NBEA: variants seen among roughly 807,000 people sequenced by gnomAD.
NBEA encodes lysosomal-trafficking regulator 2.
Under a neutral mutation model 343.4 loss-of-function variants are expected in NBEA, and 44 were observed. The observed-to-expected ratio is 0.13, with a 90% CI of 0.10 to 0.16. The LOEUF (loss-of-function observed/expected upper bound fraction) is 0.16. Ranked by LOEUF, NBEA falls within the 10% of genes least tolerant of loss-of-function variation. The pLI is 1.00. For missense variants in NBEA, 2,555 were observed against 3,631.3 expected (o/e 0.70, Z 7.62); for synonymous variants, 1,175 against 1,238.7 (o/e 0.95, Z 1.08).
intron 36 of NBEA, among the ~76,000 whole-genome samples, chr13:35,344,084 A>G (rs2039741626): frequency 1.3e-5 from 2 of 152,208 alleles, no homozygotes; most frequent in African/African-American, 2.4e-5. Flanking sequence ...CAATACCATG[A>G]TATCTGACCA....
intron 10 of NBEA, among the ~76,000 whole-genome samples, chr13:35,092,013 G>T (rs1450822725): frequency 6.6e-6 from 1 of 151,962 alleles, no homozygotes; most frequent in African/African-American, 2.4e-5. Context: ...ATACTTAACT[G>T]ACTTTAAGAC....
intron 56 of NBEA, 148 bp from the exon 57 acceptor site, chr13:35,667,226 A>T: frequency 1.6e-6 from 1 of 631,184 alleles, no homozygotes; most frequent in South Asian, 2.0e-5. Context: ...TAAATGTAGC[A>T]TCAGCGCTTG....
chr13:35,438,438 A>G (rs1389745321), intron 39 of NBEA, among the ~76,000 whole-genome samples: 1 of 152,246 alleles, frequency 6.6e-6, no homozygotes, highest in Non-Finnish European at 1.5e-5. Context: ...GTTGAGAAAG[A>G]AGCTATCAAG....
At chr13:35,137,050 AAG>A (rs1193913605) in intron 17 of NBEA, among the ~76,000 whole-genome samples, 1 of 152,242 alleles carries the variant, frequency 6.6e-6, no homozygotes, top group Non-Finnish European at 1.5e-5. Flanking sequence ...TTTAATATAA[AAG>A]AGTAAATTGA....
At chr13:35,397,542 T>G (rs1356755634) in intron 38 of NBEA, among the ~76,000 whole-genome samples, 3 of 152,200 alleles carry the variant, frequency 2.0e-5, no homozygotes, top group Admixed American at 6.6e-5. Flanking sequence ...TGATCAGTGC[T>G]GTATCCTCAG....
In NBEA at chr13:35,523,575, G is replaced by A. The variant is rs555656095; in HGVS notation, c.6586-26902G>A. ...TATGAGAGTGGCAGAAATCACTCAG[G>A]AGGAGGAAGCTGCCCAATGAGTTAC... On this transcript the variant is annotated intron_variant, in intron 41 of 58. Transcript: ENST00000379939. Among the ~76,000 whole-genome samples, 3 of 152,266 alleles carry A rather than the reference G, an allele frequency of 2.0e-5. No homozygotes were observed. The South Asian group carries it at 6.2e-4, about 32-fold the overall frequency.
intron 18 of NBEA, among the ~76,000 whole-genome samples, chr13:35,143,223 G>A (rs577231109): frequency 6.5e-4 from 99 of 152,296 alleles, no homozygotes; most frequent in Non-Finnish European, 1.2e-3. Context: ...TAGCTGTTGC[G>A]TGTAGCTGCT....
chr13:35,407,709 A>G (rs1345142187), intron 38 of NBEA, among the ~76,000 whole-genome samples: 2 of 152,130 alleles, frequency 1.3e-5, no homozygotes, highest in Non-Finnish European at 2.9e-5. Flanking sequence ...ATTGCTATAC[A>G]TCATCAACAG....
At chr13:35,135,590 TA>T (rs1369787880) in intron 17 of NBEA, among the ~76,000 whole-genome samples, 1 of 151,892 alleles carries the variant, frequency 6.6e-6, no homozygotes, top group African/African-American at 2.4e-5. Flanking sequence ...ATTTAAAGGT[TA>T]AAAAAACTCT....
At chr13:35,529,177 GGTTAA>G (rs1566272294) in intron 41 of NBEA, among the ~76,000 whole-genome samples, 1 of 152,126 alleles carries the variant, frequency 6.6e-6, no homozygotes, top group East Asian at 1.9e-4. Context: ...GGCTCAGACA[GGTTAA>G]ATAAGTTGAC....
chr13:35,050,329 C>A lies in NBEA; in HGVS notation c.906C>A (p.Val302=), dbSNP rs1302734939. ...SAHFVGNCLI[V]TSLKSKGKGF... Reference sequence around the variant, plus strand: ...ATTTTGTTGGCAACTGTTTAATAGTCACATCATTGAAGTCCAAAGGAAAAG... The same window carrying A: ...ATTTTGTTGGCAACTGTTTAATAGTAACATCATTGAAGTCCAAAGGAAAAG... The change falls in exon 6 of 59, where the codon GTC becomes GTA. Residue 302 remains valine, a synonymous_variant. Coordinates refer to ENST00000379939, the MANE Select transcript of NBEA (RefSeq NM_001385012.1). The A allele has an allele frequency of 1.2e-6, 2 of 1,609,054 alleles. No homozygotes were observed. Among genetic ancestry groups the A allele is most frequent in the Non-Finnish European group, 1.7e-6 (2 of 1,178,026 alleles).
intron 12 of NBEA, among the ~76,000 whole-genome samples, chr13:35,109,693 TGAA>T (rs1420228095): frequency 6.6e-6 from 1 of 152,150 alleles, no homozygotes; most frequent in African/African-American, 2.4e-5. Context: ...TACTTTTCAA[TGAA>T]GAAAATTTGC....
chr13:35,017,542 TTG>T (rs1250621509), intron 1 of NBEA, among the ~76,000 whole-genome samples: 2 of 152,314 alleles, frequency 1.3e-5, no homozygotes, highest in East Asian at 3.9e-4. Context: ...TGGTTTCAGT[TTG>T]TGTTTTCTGA....
chr13:35,280,044 TTTTA>T (rs1275766955), intron 34 of NBEA, among the ~76,000 whole-genome samples: 2 of 152,158 alleles, frequency 1.3e-5, no homozygotes, highest in Non-Finnish European at 2.9e-5. Flanking sequence ...TTAGTAGAGA[TTTTA>T]TTTGTGTGTA....
At chr13:35,097,229 A>C (rs1268016282) in intron 10 of NBEA, among the ~76,000 whole-genome samples, 1 of 151,846 alleles carries the variant, frequency 6.6e-6, no homozygotes, top group Non-Finnish European at 1.5e-5. Flanking sequence ...CAAAAATTAG[A>C]ATAACTTCAG....
intron 41 of NBEA, among the ~76,000 whole-genome samples, chr13:35,521,919 AAAG>A (rs1220818102): frequency 6.6e-6 from 1 of 152,176 alleles, no homozygotes; most frequent in African/African-American, 2.4e-5. Context: ...TACTATTCAG[AAAG>A]AAGAATGCGC....
intron 38 of NBEA, among the ~76,000 whole-genome samples, chr13:35,387,001 A>T (rs938780436): frequency 1.3e-5 from 2 of 152,150 alleles, no homozygotes; most frequent in African/African-American, 4.8e-5. Context: ...AATTTTTTTC[A>T]CTGAAGTAGT....
At chr13:35,341,945 T>A (rs2039609110) in intron 36 of NBEA, among the ~76,000 whole-genome samples, 1 of 152,066 alleles carries the variant, frequency 6.6e-6, no homozygotes, top group African/African-American at 2.4e-5. Context: ...CCTAATTGCC[T>A]GTAAGTGGAA....
intron 11 of NBEA, among the ~76,000 whole-genome samples, chr13:35,105,112 C>G (rs1438394861): frequency 2.6e-5 from 4 of 151,942 alleles, no homozygotes; most frequent in Non-Finnish European, 5.9e-5. Context: ...GTTATTGTAG[C>G]TATTAGGAGA....
Sources: gnomAD v4.1 joint callset for allele counts (sites outside exome capture counted in the v4.1 genomes callset) on GRCh38, gnomAD v4.1.1 for gene constraint, MANE v1.5 for transcripts, NCBI Gene and HGNC (gene_info 2026-07-23, HGNC 2026-07-21) for gene names.